COL28A1: variants seen among roughly 807,000 people sequenced by gnomAD.
COL28A1 encodes collagen alpha-1(XXVIII) chain.
COL28A1 carries 161 observed loss-of-function variants against 150.2 expected under a neutral mutation model. The observed-to-expected ratio is 1.07, with a 90% CI of 0.94 to 1.22. The LOEUF (loss-of-function observed/expected upper bound fraction) is 1.22, where lower values mean the gene tolerates loss of function less well. Among genes scored for constraint, COL28A1 ranks in the 50% most tolerant of loss-of-function variants. The pLI is 0.00. For missense variants in COL28A1, 1,617 were observed against 1,388.3 expected (o/e 1.16, Z -2.62); for synonymous variants, 552 against 469.7 (o/e 1.18, Z -2.26).
downstream of COL28A1, among the ~76,000 whole-genome samples, chr7:7,351,894 T>C (rs73038709): frequency 6.6e-3 from 1,008 of 152,194 alleles, 7 homozygotes; most frequent in Non-Finnish European, 0.012. Context: ...AAAAACTAGT[T>C]CAGGCCATCA....
rs754089394 is a variant in COL28A1, at chr7:7,531,426, C to A, written c.603G>T (p.Leu201Phe). ...STVVNEAKLR[L>F]ISGDSSSEPT... ...GTTCACTGGATGAATCCCCAGAAAT[C>A]AAACGAAGTTTGGCTTCATTGACTA... is the stretch of plus-strand genomic sequence containing the variant. Residue 201 changes from leucine (L) to phenylalanine (F), a missense_variant, in exon 3 of 35, where the codon TTG becomes TTT. Leu to Phe is a conservative substitution (Grantham distance 22). Coordinates refer to ENST00000399429, the MANE Select transcript of COL28A1 (RefSeq NM_001037763.3). 1.3e-5 allele frequency: 21 copies of A among 1,602,746 alleles called. No individual in the cohort carries two copies. The East Asian group carries it at 4.2e-4, about 32-fold the overall frequency.
chr7:7,436,713 T>C (rs908839195), intron 22 of COL28A1, among the ~76,000 whole-genome samples: 10 of 152,200 alleles, frequency 6.6e-5, no homozygotes, highest in African/African-American at 2.4e-4. Context: ...GACTCAAATA[T>C]TTCGACTTTA....
chr7:7,513,552 T>C (rs1456665507), intron 8 of COL28A1, among the ~76,000 whole-genome samples: 1 of 152,234 alleles, frequency 6.6e-6, no homozygotes, highest in African/African-American at 2.4e-5. Context: ...CAGGAAAAAC[T>C]GAGCTTTCAC....
At chr7:7,517,985 GGC>G in intron 6 of COL28A1, 148 bp from the exon 7 acceptor site, 1 of 818,378 alleles carries the variant, frequency 1.2e-6, no homozygotes, top group Non-Finnish European at 1.7e-6. Flanking sequence ...ATGCAATCTA[GGC>G]AAAAAAAAAA....
chr7:7,502,719 A>C, intron 11 of COL28A1, among the ~76,000 whole-genome samples: 1 of 69,190 alleles, frequency 1.4e-5, no homozygotes, highest in African/African-American at 1.2e-4. Context: ...TTTTTTTGAG[A>C]CGGAGTCTTG....
intron 21 of COL28A1, among the ~76,000 whole-genome samples, chr7:7,438,080 CAA>C (rs113945422): frequency 1.5e-5 from 2 of 132,618 alleles, no homozygotes; most frequent in Non-Finnish European, 3.3e-5. Context: ...ACTAAAAATA[CAA>C]AAAAAAAAAA....
intron 27 of COL28A1, among the ~76,000 whole-genome samples, chr7:7,384,342 G>C (rs948683935): frequency 4.6e-5 from 7 of 152,162 alleles, no homozygotes; most frequent in South Asian, 4.1e-4. Context: ...AACAAGTAGG[G>C]ATGATTGGTC....
In COL28A1 at chr7:7,417,858, C is replaced by T. The variant is rs1784189932; in HGVS notation, c.2136+1G>A. 2 of 1,613,088 alleles carry T rather than the reference C, an allele frequency of 1.2e-6. No individual in the cohort carries two copies. The highest frequency in any genetic ancestry group is 1.7e-6 in the Non-Finnish European group (2 of 1,179,324). On this transcript the variant is annotated splice_donor_variant, in intron 27 of 34. Transcript: ENST00000399429. LOFTEE classifies it high-confidence loss of function. ...ACTCCAGCACAACCCTATTCACTTA[C>T]TTTAATTCCCTGTGATCCATAGCCA...
intron 27 of COL28A1, among the ~76,000 whole-genome samples, chr7:7,404,959 C>T (rs903652337): frequency 2.0e-5 from 3 of 152,178 alleles, no homozygotes; most frequent in African/African-American, 2.4e-5. Flanking sequence ...TCACGACTCA[C>T]TGCAGCCTCA....
At chr7:7,542,855 A>G in the COL28A1 span, among the ~76,000 whole-genome samples, 1 of 152,184 alleles carries the variant, frequency 6.6e-6, no homozygotes, top group African/African-American at 2.4e-5. Flanking sequence ...ACCAGCAATG[A>G]GAATGCAAAG....
chr7:7,485,342 TAAAA>T (rs1562802216), intron 13 of COL28A1, among the ~76,000 whole-genome samples: 1 of 152,146 alleles, frequency 6.6e-6, no homozygotes, highest in Non-Finnish European at 1.5e-5. Context: ...GAATTTTTTT[TAAAA>T]ATGTATTCCC....
At chr7:7,390,404 T>C (rs534074716) in intron 27 of COL28A1, among the ~76,000 whole-genome samples, 21 of 152,338 alleles carry the variant, frequency 1.4e-4, no homozygotes, top group African/African-American at 4.8e-4. Context: ...CAGTATTTTA[T>C]TGAGAATTTT....
chr7:7,370,402 A>C (rs1781162383), intron 33 of COL28A1, among the ~76,000 whole-genome samples: 1 of 152,202 alleles, frequency 6.6e-6, no homozygotes, highest in Non-Finnish European at 1.5e-5. Context: ...ACAGCATGGC[A>C]ACTAGGTGAA....
At chr7:7,448,336 T>C (rs1449593412) in intron 18 of COL28A1, among the ~76,000 whole-genome samples, 1 of 151,874 alleles carries the variant, frequency 6.6e-6, no homozygotes, top group Non-Finnish European at 1.5e-5. Flanking sequence ...GAAACAAATA[T>C]AAGGATAACA....
chr7:7,432,182 G>T (rs969356157), intron 25 of COL28A1, among the ~76,000 whole-genome samples: 1 of 152,126 alleles, frequency 6.6e-6, no homozygotes, highest in East Asian at 1.9e-4. Flanking sequence ...TAGGGAAAGA[G>T]TATGGCTAGA....
At chr7:7,367,221 C>T (rs1780983109) in intron 33 of COL28A1, among the ~76,000 whole-genome samples, 1 of 152,164 alleles carries the variant, frequency 6.6e-6, no homozygotes, top group Admixed American at 6.5e-5. Context: ...GTGTAGTAGG[C>T]TATACTATCT....
intron 3 of COL28A1, among the ~76,000 whole-genome samples, chr7:7,528,276 T>C (rs933748164): frequency 5.3e-5 from 8 of 152,314 alleles, no homozygotes; most frequent in African/African-American, 1.4e-4. Flanking sequence ...GACCAAGTAA[T>C]ATATCCAGGA....
chr7:7,383,290 T>TGTGTGTG lies in COL28A1; in HGVS notation c.2137-1679_2137-1678insCACACAC, dbSNP rs1562512522. Among the ~76,000 whole-genome samples the TGTGTGTG allele has an allele frequency of 8.5e-4, 104 of 122,616 alleles. 1 individual carries two copies. The highest frequency in any genetic ancestry group is 2.2e-3 in the African/African-American group (55 of 25,122). The allele number at this position is 122,616 out of a possible 152,430, so 80.4% of individuals were successfully genotyped here. Reference sequence around the variant, plus strand: ...TGTGTGTGTGTGTGTGTGTGTGTGTTTTTTTTGAGACAGAGTCTCACTCTG... The same window carrying TGTGTGTG: ...TGTGTGTGTGTGTGTGTGTGTGTGTTGTGTGTGTTTTTTGAGACAGAGTCTCACTCTG... On this transcript the variant is annotated intron_variant, in intron 27 of 34. Coordinates refer to ENST00000399429, the MANE Select transcript of COL28A1 (RefSeq NM_001037763.3).
intron 15 of COL28A1, among the ~76,000 whole-genome samples, chr7:7,458,439 C>A (rs908653145): frequency 6.6e-6 from 1 of 151,184 alleles, no homozygotes; most frequent in Non-Finnish European, 1.5e-5. Context: ...AAACAAAAAA[C>A]AAACAAACAA....
Sources: gnomAD v4.1 joint callset for allele counts (sites outside exome capture counted in the v4.1 genomes callset) on GRCh38, gnomAD v4.1.1 for gene constraint, MANE v1.5 for transcripts, NCBI Gene and HGNC (gene_info 2026-07-23, HGNC 2026-07-21) for gene names.